NRXN3: variants seen among roughly 807,000 people sequenced by gnomAD.
NRXN3 encodes the protein neurexin 3.
A neutral mutation model predicts 137.6 loss-of-function variants in NRXN3; 32 were observed. The ratio of observed to expected loss-of-function variants is 0.23; its 90% CI spans 0.18 to 0.31. The LOEUF (loss-of-function observed/expected upper bound fraction) is 0.31. NRXN3 is among the 10% of genes least tolerant of loss of function. The pLI, the probability that NRXN3 is intolerant of heterozygous loss-of-function variation, is 1.00. For missense variants in NRXN3, 1,574 were observed against 2,062.5 expected (o/e 0.76, Z 4.59); for synonymous variants, 798 against 784.5 (o/e 1.02, Z -0.29).
chr14:79,020,174 CT>C, intron 15 of NRXN3, among the ~76,000 whole-genome samples: 1 of 5,244 alleles, frequency 1.9e-4, no homozygotes, highest in Non-Finnish European at 4.1e-4. Flanking sequence ...CTTCCCTTCC[CT>C]TCCCTTCCCT....
chr14:78,863,312 G>A (rs1003895955), intron 10 of NRXN3, among the ~76,000 whole-genome samples: 2 of 152,170 alleles, frequency 1.3e-5, no homozygotes, highest in African/African-American at 4.8e-5. Flanking sequence ...CCTACGTTTA[G>A]AGGTTTATCA....
At chr14:79,386,398 T>C (rs1234280601) in intron 15 of NRXN3, among the ~76,000 whole-genome samples, 4 of 152,048 alleles carry the variant, frequency 2.6e-5, no homozygotes, top group Non-Finnish European at 5.9e-5. Flanking sequence ...TTACAAGGGA[T>C]GTGAAGGACC....
chr14:78,297,184 T>C (rs1401569084), intron 3 of NRXN3, among the ~76,000 whole-genome samples: 1 of 152,146 alleles, frequency 6.6e-6, no homozygotes, highest in Admixed American at 6.5e-5. Context: ...GTGGAAGAAG[T>C]GGTATTGTTG....
chr14:79,044,950 CAATGAGAA>C (rs1244262854), intron 15 of NRXN3, among the ~76,000 whole-genome samples: 1 of 151,858 alleles, frequency 6.6e-6, no homozygotes, highest in Non-Finnish European at 1.5e-5. Flanking sequence ...GCCCATGCAC[CAATGAGAA>C]AATGCCTATG....
intron 8 of NRXN3, among the ~76,000 whole-genome samples, chr14:78,778,412 A>G (rs750978395): frequency 2.0e-5 from 3 of 152,202 alleles, no homozygotes; most frequent in Non-Finnish European, 4.4e-5. Context: ...TCCTTGGTGC[A>G]GTTAATTTTA....
At chr14:79,807,755 G>C (rs7152915) in intron 20 of NRXN3, among the ~76,000 whole-genome samples, 19,976 of 152,178 alleles carry the variant, frequency 0.13, 1,588 homozygotes, top group Middle Eastern at 0.22. Context: ...GGCTGATATT[G>C]ATTTCCTCCA....
intron 4 of NRXN3, among the ~76,000 whole-genome samples, chr14:78,412,756 A>T (rs776540342): frequency 6.6e-5 from 10 of 152,130 alleles, no homozygotes; most frequent in Non-Finnish European, 1.3e-4. Flanking sequence ...ATCAACTAAC[A>T]TTAATTCTGC....
chr14:78,379,864 G>A (rs529902001), intron 4 of NRXN3, among the ~76,000 whole-genome samples: 5 of 152,272 alleles, frequency 3.3e-5, no homozygotes, highest in East Asian at 3.9e-4. Context: ...ATAAACACTC[G>A]CAGAGCTAAC....
chr14:79,417,846 G>C (rs761373791), intron 15 of NRXN3, among the ~76,000 whole-genome samples: 1 of 152,084 alleles, frequency 6.6e-6, no homozygotes, highest in Non-Finnish European at 1.5e-5. Flanking sequence ...TGATATGCCA[G>C]ACAGGGCTTT....
intron 4 of NRXN3, among the ~76,000 whole-genome samples, chr14:78,437,472 C>T (rs2094111230): frequency 6.6e-6 from 1 of 152,046 alleles, no homozygotes; most frequent in African/African-American, 2.4e-5. Context: ...TCTCAGTCTC[C>T]TGAGTAGCTG....
At chr14:78,420,625 A>G (rs1292780645) in intron 4 of NRXN3, among the ~76,000 whole-genome samples, 4 of 152,252 alleles carry the variant, frequency 2.6e-5, no homozygotes, top group Non-Finnish European at 5.9e-5. Context: ...TATGAAATAT[A>G]TTAATAACGA....
At chr14:78,299,533 G>A (rs893401035) in intron 4 of NRXN3, among the ~76,000 whole-genome samples, 2 of 151,394 alleles carry the variant, frequency 1.3e-5, no homozygotes, top group African/African-American at 4.9e-5. Flanking sequence ...ATGATCCCAC[G>A]TGCCCCTTGG....
chr14:79,207,768 T>A (rs1229723206), intron 15 of NRXN3, among the ~76,000 whole-genome samples: 14 of 152,176 alleles, frequency 9.2e-5, no homozygotes, highest in Non-Finnish European at 1.5e-5. Context: ...TGGAAGCCTC[T>A]GGGTTTGTTG....
chr14:79,615,046 T>A (rs1423353622), intron 16 of NRXN3, among the ~76,000 whole-genome samples: 3 of 151,782 alleles, frequency 2.0e-5, no homozygotes, highest in Non-Finnish European at 4.4e-5. Context: ...CAATTAGGAG[T>A]GTAGGATTGC....
At chr14:78,830,927 A>G (rs1400215269) in intron 10 of NRXN3, among the ~76,000 whole-genome samples, 1 of 152,224 alleles carries the variant, frequency 6.6e-6, no homozygotes, top group Non-Finnish European at 1.5e-5. Flanking sequence ...GAGTATCATC[A>G]AATGCTTAGC....
At chr14:79,428,713 G>T (rs2095696803) in intron 15 of NRXN3, among the ~76,000 whole-genome samples, 1 of 152,158 alleles carries the variant, frequency 6.6e-6, no homozygotes, top group African/African-American at 2.4e-5. Flanking sequence ...TGGAAAATGT[G>T]AGAAATGAGA....
At chr14:79,289,646 C>G (rs2082842475) in intron 15 of NRXN3, among the ~76,000 whole-genome samples, 1 of 151,900 alleles carries the variant, frequency 6.6e-6, no homozygotes, top group South Asian at 2.1e-4. Flanking sequence ...TCATGAGAAT[C>G]CTTCTAATAG....
chr14:78,650,522 T>C (rs17108021), intron 5 of NRXN3, among the ~76,000 whole-genome samples: 2,951 of 152,120 alleles, frequency 0.019, 110 homozygotes, highest in East Asian at 0.18. Flanking sequence ...GAGGTGGTGA[T>C]GGGAGCCAAG....
intron 15 of NRXN3, among the ~76,000 whole-genome samples, chr14:79,341,674 G>GTATAATAAT (rs1186978820): frequency 2.4e-4 from 37 of 152,232 alleles, no homozygotes; most frequent in Middle Eastern, 3.4e-3. Flanking sequence ...AGAACAGAGG[G>GTATAATAAT]TATAATAATT....
Sources: gnomAD v4.1 joint callset for allele counts (sites outside exome capture counted in the v4.1 genomes callset) on GRCh38, gnomAD v4.1.1 for gene constraint, MANE v1.5 for transcripts, NCBI Gene and HGNC (gene_info 2026-07-23, HGNC 2026-07-21) for gene names.